The following PARD3B variants were observed in gnomAD, a reference collection of about 807,000 sequenced individuals.
The protein encoded by PARD3B is par-3 family cell polarity regulator beta, also known as partitioning defective 3 homolog B.
A neutral mutation model predicts 130.2 loss-of-function variants in PARD3B; 103 were observed. The ratio of observed to expected loss-of-function variants is 0.79; its 90% CI spans 0.67 to 0.93. PARD3B has a LOEUF of 0.93. Ranked by LOEUF, PARD3B falls within the 40% of genes least tolerant of loss-of-function variation. The probability of loss-of-function intolerance (pLI) is 0.00; values close to 1 mark genes in which losing one functional copy is unlikely to be tolerated. For synonymous variants in PARD3B, 583 were observed against 553.2 expected, an observed-to-expected ratio of 1.05 and a Z score of -0.76; for missense variants, 1,609 against 1,499.2, an observed-to-expected ratio of 1.07 and a Z score of -1.21.
chr2:205,584,937 T>C lies in PARD3B; in HGVS notation c.3261-30519T>C, dbSNP rs1323414727. On this transcript the variant is annotated intron_variant, in intron 22 of 22. Coordinates refer to ENST00000406610, the MANE Select transcript of PARD3B (RefSeq NM_001302769.2). The surrounding 1 kb of genome is among the most constrained non-coding windows in gnomAD (Gnocchi z 5.5). Reference sequence around the variant, plus strand: ...CTGGATAATTGCACCCACAAGTGGCTACATGCAGACACAATTAGGTGCTTG... The same window carrying C: ...CTGGATAATTGCACCCACAAGTGGCCACATGCAGACACAATTAGGTGCTTG... 6.6e-6 allele frequency among the ~76,000 whole-genome samples: 1 copy of C among 152,184 alleles called. No individual in the cohort carries two copies. The highest frequency in any genetic ancestry group is 1.5e-5 in the Non-Finnish European group (1 of 68,044).
intron 16 of PARD3B, among the ~76,000 whole-genome samples, chr2:205,248,405 TGGTGGTGGTGGC>T (rs935884365): frequency 3.5e-5 from 5 of 141,762 alleles, no homozygotes; most frequent in African/African-American, 1.3e-4. Context: ...GTGGTGGTGG[TGGTGGTGGTGGC>T]GGCAGCAGCA....
intron 20 of PARD3B, among the ~76,000 whole-genome samples, chr2:205,474,013 A>G (rs369479044): frequency 6.6e-6 from 1 of 151,712 alleles, no homozygotes; most frequent in Non-Finnish European, 1.5e-5. Context: ...TTCTTATTTC[A>G]TCTTCACCAC....
At chr2:204,816,171 T>G (rs2043138962) in intron 2 of PARD3B, among the ~76,000 whole-genome samples, 1 of 152,026 alleles carries the variant, frequency 6.6e-6, no homozygotes, top group Admixed American at 6.6e-5. Context: ...TGTAATAGCA[T>G]GTTTCAGTTT....
chr2:205,085,110 T>C (rs986499187), intron 4 of PARD3B, among the ~76,000 whole-genome samples: 4 of 152,052 alleles, frequency 2.6e-5, no homozygotes, highest in Admixed American at 2.0e-4. Flanking sequence ...CCCTCTTTTA[T>C]ATTAGGAGGC....
chr2:205,213,320 A>G (rs903715483), intron 15 of PARD3B, among the ~76,000 whole-genome samples: 1 of 152,148 alleles, frequency 6.6e-6, no homozygotes, highest in Non-Finnish European at 1.5e-5. Context: ...CTTAGCACAG[A>G]ATGGCATACT....
intron 21 of PARD3B, among the ~76,000 whole-genome samples, chr2:205,516,103 A>G (rs939679506): frequency 1.3e-5 from 2 of 152,068 alleles, no homozygotes; most frequent in African/African-American, 4.8e-5. Flanking sequence ...TCAGGTGGTC[A>G]TAGGTGTGCA....
At chr2:204,836,696 G>A (rs1383187831) in intron 2 of PARD3B, among the ~76,000 whole-genome samples, 3 of 151,992 alleles carry the variant, frequency 2.0e-5, no homozygotes, top group Admixed American at 6.6e-5. Context: ...AATACCTTTC[G>A]ATTATACTAT....
intron 2 of PARD3B, among the ~76,000 whole-genome samples, chr2:204,778,989 C>G (rs543217526): frequency 6.6e-6 from 1 of 152,270 alleles, no homozygotes; most frequent in South Asian, 2.1e-4. Flanking sequence ...AGCCTCATCT[C>G]AAACCACTTT....
rs2041471112 is a variant in PARD3B, at chr2:205,288,247, A to G, written c.2186-12283A>G. On this transcript the variant is annotated intron_variant, in intron 16 of 22. Transcript: ENST00000406610. This position sits in a 1 kb window ranked among gnomAD's most constrained non-coding sequence, Gnocchi z 4.0. ...TGAGCACCTCCTGGCTCCCAAGTGC[A>G]TTAAGATATGTTCCTGCACCCTATC... is the stretch of plus-strand genomic sequence containing the variant. Among the ~76,000 whole-genome samples, 1 of 152,076 alleles carries G rather than the reference A, an allele frequency of 6.6e-6. No homozygotes were observed. Among genetic ancestry groups the G allele is most frequent in the African/African-American group, 2.4e-5 (1 of 41,414 alleles).
intron 2 of PARD3B, among the ~76,000 whole-genome samples, chr2:204,905,771 C>G (rs1350342531): frequency 6.6e-6 from 1 of 152,162 alleles, no homozygotes; most frequent in Non-Finnish European, 1.5e-5. Context: ...CTCCTTCCTA[C>G]TTAATGTGCT....
rs189690626 is a variant in PARD3B at position 204,660,421 on chromosome 2, A to C, written c.121-25760A>C. On this transcript the variant is annotated intron_variant, in intron 1 of 22. Coordinates refer to ENST00000406610, the MANE Select transcript of PARD3B (RefSeq NM_001302769.2). ...TTAAAACAAATGAAGTTATTTATTG[A>C]GTACCTATAGTTTGCCAGGGAATAT... Among the ~76,000 whole-genome samples, 288 of 152,304 alleles carry C rather than the reference A, an allele frequency of 1.9e-3. 2 individuals are homozygous for C. The highest frequency in any genetic ancestry group is 6.8e-3 in the African/African-American group (281 of 41,576).
intron 2 of PARD3B, among the ~76,000 whole-genome samples, chr2:204,847,344 A>C (rs1019308774): frequency 6.6e-6 from 1 of 152,150 alleles, no homozygotes; most frequent in African/African-American, 2.4e-5. Context: ...CAGAATTGAA[A>C]CAATTGAAAT....
At chr2:205,312,661 C>T (rs1030812858) in intron 18 of PARD3B, among the ~76,000 whole-genome samples, 1 of 152,240 alleles carries the variant, frequency 6.6e-6, no homozygotes, top group Non-Finnish European at 1.5e-5. Context: ...AATTTTCTCT[C>T]TTCAGCCCAT....
intron 3 of PARD3B, among the ~76,000 whole-genome samples, chr2:205,036,692 G>A (rs957435932): frequency 2.1e-4 from 27 of 129,862 alleles, no homozygotes; most frequent in African/African-American, 2.6e-4. Context: ...TATACACAGC[G>A]GACTGTATGT....
In PARD3B at chr2:205,422,621, T is replaced by TA. The variant is rs952367007; in HGVS notation, c.2742-17741dup. On this transcript the variant is annotated intron_variant, in intron 19 of 22. Transcript: ENST00000406610. ...CTCTGCAGTACCCTGCTAACCACAA[T>TA]AAAAAAAATGCCAATTCTTCCCTTT... Among the ~76,000 whole-genome samples, 20 of 151,986 alleles carry TA rather than the reference T, an allele frequency of 1.3e-4. 1 individual carries two copies. Among genetic ancestry groups the TA allele is most frequent in the East Asian group, 3.9e-4 (2 of 5,188 alleles).
chr2:205,343,536 G>A (rs1325585506), intron 18 of PARD3B, among the ~76,000 whole-genome samples: 1 of 152,168 alleles, frequency 6.6e-6, no homozygotes, highest in Non-Finnish European at 1.5e-5. Flanking sequence ...TTACACATAG[G>A]TCCTGTGTTA....
chr2:205,280,591 A>G lies in PARD3B; in HGVS notation c.2186-19939A>G, dbSNP rs1252871334. ...TCAAATTCCGATGTCAGTTTTGTAA[A>G]TAAGTATCTGTTGTCTCCCCAGATC... On this transcript the variant is annotated intron_variant, in intron 16 of 22. Coordinates refer to ENST00000406610, the MANE Select transcript of PARD3B (RefSeq NM_001302769.2). This position sits in a 1 kb window ranked among gnomAD's most constrained non-coding sequence, Gnocchi z 4.7. 3.9e-5 allele frequency among the ~76,000 whole-genome samples: 6 copies of G among 152,214 alleles called. No homozygotes were observed. In the East Asian group the frequency reaches 1.2e-3, roughly 29 times the overall value.
chr2:205,363,601 CAG>C (rs1574811694), intron 18 of PARD3B, among the ~76,000 whole-genome samples: 1 of 152,132 alleles, frequency 6.6e-6, no homozygotes, highest in South Asian at 2.1e-4. Context: ...GGAAAACACA[CAG>C]AGAAAAACCG....
rs2050100228 is a variant in PARD3B, at chr2:205,500,004, A to G, written c.3153A>G (p.Ala1051=). ...TATATGAAGACGACGAAGGAAGAGC[A>G]AGGCCATCTGAGTATGACCTACTCT... ...FPLYEDDEGR[A]RPSEYDLLWV... Residue 1051 remains alanine, a synonymous_variant, in exon 21 of 23, where the codon GCA becomes GCG. Transcript: ENST00000406610. The G allele has an allele frequency of 6.2e-7, 1 of 1,613,904 alleles. No homozygotes were observed. Among genetic ancestry groups the G allele is most frequent in the Non-Finnish European group, 8.5e-7 (1 of 1,179,826 alleles).
Sources: gnomAD v4.1 joint callset for allele counts (sites outside exome capture counted in the v4.1 genomes callset) on GRCh38, gnomAD v4.1.1 for gene constraint, Gnocchi (gnomAD v3.1) non-coding constraint, MANE v1.5 for transcripts, NCBI Gene and HGNC (gene_info 2026-07-23, HGNC 2026-07-21) for gene names.